The following NPNT variants were observed in gnomAD, a reference collection of about 807,000 sequenced individuals.
The protein encoded by NPNT is preosteoblast EGF-like repeat protein with MAM domain.
In NPNT, 45 loss-of-function variants were observed where a neutral mutation model predicts 68.6. The ratio of observed to expected loss-of-function variants is 0.66; its 90% CI spans 0.52 to 0.84. NPNT has a LOEUF of 0.84. Among genes scored for constraint, NPNT ranks in the 40% least tolerant of loss-of-function variants. The pLI, the probability that NPNT is intolerant of heterozygous loss-of-function variation, is 0.00. For synonymous variants in NPNT, 233 were observed against 253.3 expected (o/e 0.92, Z 0.76); for missense variants, 672 against 714.8 (o/e 0.94, Z 0.68).
intron 2 of NPNT, among the ~76,000 whole-genome samples, chr4:105,903,841 G>A (rs1426614491): frequency 1.4e-5 from 2 of 147,876 alleles, no homozygotes; most frequent in Non-Finnish European, 3.0e-5. Context: ...TTGGAGTGCA[G>A]TGGCATAATC....
intron 2 of NPNT, among the ~76,000 whole-genome samples, chr4:105,910,137 C>T (rs935071646): frequency 2.6e-5 from 4 of 151,846 alleles, no homozygotes; most frequent in African/African-American, 9.7e-5. Context: ...AAGTTCAGGA[C>T]TGGCTCCAAA....
intron 3 of NPNT, among the ~76,000 whole-genome samples, chr4:105,931,141 C>T (rs1729072924): frequency 6.6e-6 from 1 of 152,106 alleles, no homozygotes; most frequent in South Asian, 2.1e-4. Context: ...TGTACCAACA[C>T]AAACCTCTTT....
intron 2 of NPNT, among the ~76,000 whole-genome samples, chr4:105,902,247 A>T (rs923616249): frequency 3.3e-5 from 5 of 152,242 alleles, no homozygotes; most frequent in African/African-American, 1.2e-4. Context: ...TTTGTTTTGA[A>T]GGCCACACAT....
intron 10 of NPNT, among the ~76,000 whole-genome samples, chr4:105,959,810 T>C (rs1436510780): frequency 9.4e-6 from 1 of 106,066 alleles, no homozygotes; most frequent in South Asian, 3.0e-4. Flanking sequence ...TAGTTAAATC[T>C]TTTTTTTTTT....
intron 2 of NPNT, among the ~76,000 whole-genome samples, chr4:105,921,575 G>C (rs1560903460): frequency 6.6e-6 from 1 of 152,152 alleles, no homozygotes; most frequent in Non-Finnish European, 1.5e-5. Flanking sequence ...TTGACCATCA[G>C]ATAATTGACA....
chr4:105,946,773 A>T (rs1158104951), intron 8 of NPNT, among the ~76,000 whole-genome samples: 1 of 152,190 alleles, frequency 6.6e-6, no homozygotes, highest in East Asian at 1.9e-4. Flanking sequence ...AGGGTCCAGC[A>T]AAGATCACAA....
At chr4:105,898,465 T>C (rs1047426414) in intron 2 of NPNT, among the ~76,000 whole-genome samples, 2 of 151,600 alleles carry the variant, frequency 1.3e-5, no homozygotes, top group Non-Finnish European at 2.9e-5. Context: ...ATAATGAGTC[T>C]AGACCGTATT....
chr4:105,923,823 T>A (rs1299561741), intron 2 of NPNT, among the ~76,000 whole-genome samples: 1 of 152,040 alleles, frequency 6.6e-6, no homozygotes, highest in East Asian at 1.9e-4. Flanking sequence ...GGGAACATAG[T>A]TTTCCATTAC....
At chr4:105,924,949 G>A (rs1038516489) in intron 2 of NPNT, among the ~76,000 whole-genome samples, 33 of 152,100 alleles carry the variant, frequency 2.2e-4, no homozygotes, top group African/African-American at 7.7e-4. Flanking sequence ...ATGGCATTCT[G>A]TGTGCCTCAG....
chr4:105,933,528 G>A (rs760341432), intron 3 of NPNT, among the ~76,000 whole-genome samples: 1 of 152,002 alleles, frequency 6.6e-6, no homozygotes, highest in Non-Finnish European at 1.5e-5. Context: ...AATTAATTTC[G>A]GTCCTTAATA....
At chr4:105,933,441 A>C (rs1729275595) in intron 3 of NPNT, among the ~76,000 whole-genome samples, 1 of 152,212 alleles carries the variant, frequency 6.6e-6, no homozygotes, top group African/African-American at 2.4e-5. Flanking sequence ...AAATAGTTGA[A>C]ATTATTAATC....
intron 2 of NPNT, among the ~76,000 whole-genome samples, chr4:105,902,423 T>C (rs1433617717): frequency 1.3e-5 from 2 of 152,216 alleles, no homozygotes; most frequent in Non-Finnish European, 2.9e-5. Flanking sequence ...GTGGGGATTG[T>C]ACTGTTTACA....
intron 1 of NPNT, among the ~76,000 whole-genome samples, chr4:105,896,277 G>C (rs1300159192): frequency 6.6e-6 from 1 of 152,152 alleles, no homozygotes; most frequent in Non-Finnish European, 1.5e-5. Context: ...AATGAGGACC[G>C]GAGGGTGGGC....
chr4:105,949,480 C>T (rs1184228319), intron 8 of NPNT, among the ~76,000 whole-genome samples: 1 of 152,118 alleles, frequency 6.6e-6, no homozygotes, highest in Non-Finnish European at 1.5e-5. Context: ...AAAGGTGCTG[C>T]ACAAACTTAG....
At chr4:105,902,703 G>A (rs1355298766) in intron 2 of NPNT, 1 of 152,196 alleles carries the variant, frequency 6.6e-6, no homozygotes, top group Non-Finnish European at 1.5e-5. Context: ...GGTTGTTTAA[G>A]AACATCATGT....
Position 105,897,919 on chromosome 4 carries a change from G to A in NPNT, c.90G>A (p.Val30=), listed in dbSNP as rs769797825. Residue 30 remains valine (V), a synonymous_variant, in exon 2 of 12, where the codon GTG becomes GTA. Transcript: ENST00000379987. ...EFDGRWPRQI[V]SSIGLCRYGG... The stretch of plus-strand genomic sequence containing the variant: ...TTGGTAGGTGGCCCAGGCAAATAGT[G>A]TCATCGATTGGCCTATGTCGTTATG... 1 of 1,613,170 alleles carries A rather than the reference G, an allele frequency of 6.2e-7. No homozygotes were observed. The highest frequency in any genetic ancestry group is 1.1e-5 in the South Asian group (1 of 91,024).
intron 8 of NPNT, among the ~76,000 whole-genome samples, chr4:105,946,988 C>T (rs190806054): frequency 1.2e-4 from 18 of 152,262 alleles, no homozygotes; most frequent in Admixed American, 7.8e-4. Context: ...TTATCTCAAC[C>T]GCATGAGACA....
At chr4:105,938,205 G>A (rs949930057) in intron 4 of NPNT, 96 bp from the exon 5 acceptor site, 1 of 1,190,200 alleles carries the variant, frequency 8.4e-7, no homozygotes, top group Non-Finnish European at 1.2e-6. Flanking sequence ...TTGTTGTTCA[G>A]TGTCACTGAT....
intron 9 of NPNT, chr4:105,958,771 A>G (rs1281036577): frequency 3.8e-6 from 2 of 529,078 alleles, no homozygotes; most frequent in East Asian, 3.0e-5. Flanking sequence ...TTAAACTGTA[A>G]AAAGGAAATC....
Sources: allele counts gnomAD v4.1 joint callset (sites outside exome capture counted in the v4.1 genomes callset), GRCh38; gene constraint gnomAD v4.1.1; transcripts MANE v1.5; gene names NCBI Gene and HGNC (gene_info 2026-07-23, HGNC 2026-07-21).